The following PIGK variants were observed in gnomAD, a reference collection of about 807,000 sequenced individuals.
The protein encoded by PIGK is phosphatidylinositol glycan anchor biosynthesis class K, also known as GPI-anchor transamidase.
Under a neutral mutation model 50.6 loss-of-function variants are expected in PIGK, and 42 were observed. The ratio of observed to expected loss-of-function variants is 0.83; its 90% confidence interval spans 0.65 to 1.07. The LOEUF is 1.07. Ranked by LOEUF, PIGK falls within the 50% of genes least tolerant of loss-of-function variation. The pLI, the probability that PIGK is intolerant of heterozygous loss-of-function variation, is 0.00. For missense variants in PIGK, 448 were observed against 488.7 expected (o/e 0.92, Z 0.78); for synonymous variants, 151 against 156.0 (o/e 0.97, Z 0.24).
intron 10 of PIGK, among the ~76,000 whole-genome samples, chr1:77,121,093 C>G (rs573614523): frequency 6.6e-6 from 1 of 152,300 alleles, no homozygotes; most frequent in East Asian, 1.9e-4. Context: ...TGGGCAGATT[C>G]TATTTACCAA....
At chr1:77,195,250 G>A in intron 3 of PIGK, 1 of 1,273,570 alleles carries the variant, frequency 7.9e-7, no homozygotes, top group Non-Finnish European at 1.1e-6. Flanking sequence ...TGCAGCTGTG[G>A]AGACCTTGGG....
At chr1:77,207,305 T>C (rs1347276363) in intron 2 of PIGK, among the ~76,000 whole-genome samples, 1 of 152,224 alleles carries the variant, frequency 6.6e-6, no homozygotes, top group African/African-American at 2.4e-5. Context: ...CCAACTTAGT[T>C]ATCACAATTT....
chr1:77,092,922 G>A (rs868541975), intron 10 of PIGK, among the ~76,000 whole-genome samples: 1 of 152,042 alleles, frequency 6.6e-6, no homozygotes, highest in Admixed American at 6.6e-5. Flanking sequence ...CCATTCAGGA[G>A]GCATTCATAT....
intron 10 of PIGK, among the ~76,000 whole-genome samples, chr1:77,094,841 T>C (rs942648136): frequency 1.3e-5 from 2 of 152,176 alleles, no homozygotes; most frequent in Admixed American, 1.3e-4. Context: ...CCTTGACAGG[T>C]ATGTGTTTCA....
chr1:77,097,968 A>G (rs1055835382), intron 10 of PIGK, among the ~76,000 whole-genome samples: 3 of 152,128 alleles, frequency 2.0e-5, no homozygotes, highest in Non-Finnish European at 4.4e-5. Flanking sequence ...CAGAAATATT[A>G]AAAAATATAT....
intron 3 of PIGK, among the ~76,000 whole-genome samples, chr1:77,177,542 C>A (rs1390456741): frequency 6.6e-6 from 1 of 152,232 alleles, no homozygotes; most frequent in Non-Finnish European, 1.5e-5. Context: ...TTTAGTTAAT[C>A]TATAATCTAT....
chr1:77,092,624 T>C (rs539095656), intron 10 of PIGK, 134 bp from the exon 11 acceptor site: 110 of 633,258 alleles, frequency 1.7e-4, no homozygotes, highest in Non-Finnish European at 2.6e-4. Flanking sequence ...ATTAAACACA[T>C]TGGGATAGCA....
At chr1:77,196,592 T>C (rs888971202) in intron 3 of PIGK, among the ~76,000 whole-genome samples, 2 of 152,172 alleles carry the variant, frequency 1.3e-5, no homozygotes, top group Non-Finnish European at 2.9e-5. Flanking sequence ...CCTTTTCATG[T>C]TTTTTGGCCG....
intron 3 of PIGK, among the ~76,000 whole-genome samples, chr1:77,201,430 T>C (rs1255931566): frequency 2.6e-5 from 4 of 152,152 alleles, no homozygotes; most frequent in Non-Finnish European, 5.9e-5. Context: ...GCCCCAGCCA[T>C]AGATCCCTCA....
intron 9 of PIGK, among the ~76,000 whole-genome samples, chr1:77,142,182 C>G (rs754370636): frequency 2.1e-4 from 32 of 152,078 alleles, no homozygotes; most frequent in Non-Finnish European, 3.8e-4. Context: ...ATGGGAAAGT[C>G]AGGCTAATAA....
intron 10 of PIGK, among the ~76,000 whole-genome samples, chr1:77,114,152 A>G (rs1653913916): frequency 1.3e-5 from 2 of 152,182 alleles, no homozygotes; most frequent in Non-Finnish European, 2.9e-5. Context: ...GCCTTTGTGA[A>G]AAAATGTTCA....
At chr1:77,106,912 T>C (rs1476660806) in intron 10 of PIGK, among the ~76,000 whole-genome samples, 1 of 152,202 alleles carries the variant, frequency 6.6e-6, no homozygotes, top group Non-Finnish European at 1.5e-5. Flanking sequence ...GTAGTTTGTA[T>C]TTCTCTGGGA....
At chr1:77,099,917 G>A (rs530599484) in intron 10 of PIGK, among the ~76,000 whole-genome samples, 13 of 152,100 alleles carry the variant, frequency 8.5e-5, no homozygotes, top group Admixed American at 5.9e-4. Flanking sequence ...CATAAAACAC[G>A]GCAATATGTT....
chr1:77,204,862 A>G (rs839813), intron 3 of PIGK, among the ~76,000 whole-genome samples: 23,601 of 152,170 alleles, frequency 0.16, 2,894 homozygotes, highest in African/African-American at 0.34. Flanking sequence ...TATTTACCCA[A>G]TACTAGCTGA....
chr1:77,173,213 A>T (rs1049508954), intron 3 of PIGK, among the ~76,000 whole-genome samples: 9 of 152,228 alleles, frequency 5.9e-5, no homozygotes, highest in African/African-American at 1.9e-4. Context: ...TTCCAAATGA[A>T]CAACGCAGTG....
chr1:77,171,436 CAAAA>C (rs58788160), intron 3 of PIGK, among the ~76,000 whole-genome samples: 116 of 46,886 alleles, frequency 2.5e-3, no homozygotes, highest in Non-Finnish European at 3.8e-3. Context: ...GACTCCACCT[CAAAA>C]AAAAAAAAAA....
chr1:77,139,180 C>T (rs1424774043), intron 9 of PIGK, among the ~76,000 whole-genome samples: 2 of 152,022 alleles, frequency 1.3e-5, no homozygotes, highest in African/African-American at 4.8e-5. Flanking sequence ...CATGTTAGGC[C>T]GTCCTGCCTT....
At chr1:77,135,145 A>T (rs1654471082) in intron 9 of PIGK, among the ~76,000 whole-genome samples, 1 of 152,120 alleles carries the variant, frequency 6.6e-6, no homozygotes, top group Non-Finnish European at 1.5e-5. Context: ...TTACATTTTT[A>T]ATTTTAAAAC....
chr1:77,193,245 ATGTGTGTGTGTG>A (rs56987496), intron 3 of PIGK, among the ~76,000 whole-genome samples: 18 of 144,776 alleles, frequency 1.2e-4, no homozygotes, highest in African/African-American at 4.2e-4. Flanking sequence ...TGGCATGAGA[ATGTGTGTGTGTG>A]TGTGTGTGTG....
Sources: allele counts gnomAD v4.1 joint callset (sites outside exome capture counted in the v4.1 genomes callset), GRCh38; gene constraint gnomAD v4.1.1; transcripts MANE v1.5; gene names NCBI Gene and HGNC (gene_info 2026-07-23, HGNC 2026-07-21).